The following HTR7 variants were observed in gnomAD, a reference collection of about 807,000 sequenced individuals.
HTR7 encodes 5-HT-7.
A neutral mutation model predicts 34.0 loss-of-function variants in HTR7; 16 were observed. That is an observed-to-expected ratio of 0.47 (90% CI 0.32 to 0.71). The LOEUF (loss-of-function observed/expected upper bound fraction) is 0.71, where lower values mean the gene tolerates loss of function less well. HTR7 is among the 30% of genes least tolerant of loss of function. The pLI is 0.04. For missense variants in HTR7, 504 were observed against 625.5 expected, an observed-to-expected ratio of 0.81 and a Z score of 2.07; for synonymous variants, 265 against 260.2, an observed-to-expected ratio of 1.02 and a Z score of -0.18.
intron 1 of HTR7, among the ~76,000 whole-genome samples, chr10:90,842,121 AGGCAGACTTTTG>A (rs1846338309): frequency 6.6e-6 from 1 of 152,244 alleles, no homozygotes; most frequent in Non-Finnish European, 1.5e-5. Flanking sequence ...TAGTATTAAG[AGGCAGACTTTTG>A]GGAGGTGATT....
At chr10:90,788,076 A>G (rs1845407738) in intron 1 of HTR7, among the ~76,000 whole-genome samples, 1 of 152,146 alleles carries the variant, frequency 6.6e-6, no homozygotes. Flanking sequence ...GAGCTGCAAC[A>G]GTGGGTGTTA....
intron 2 of HTR7, chr10:90,743,910 T>C: frequency 1.5e-6 from 1 of 680,024 alleles, no homozygotes; most frequent in Non-Finnish European, 2.8e-6. Context: ...CCAGGGAAAA[T>C]TTTCGAGTGC....
At chr10:90,771,742 C>T (rs1282072263) in intron 1 of HTR7, among the ~76,000 whole-genome samples, 1 of 152,160 alleles carries the variant, frequency 6.6e-6, no homozygotes, top group Non-Finnish European at 1.5e-5. Context: ...CACAATCTCC[C>T]TTGAAGGTGT....
intron 1 of HTR7, among the ~76,000 whole-genome samples, chr10:90,754,624 G>A (rs1844804838): frequency 6.6e-6 from 1 of 152,168 alleles, no homozygotes; most frequent in African/African-American, 2.4e-5. Context: ...CACAATAGGG[G>A]TGCCATTGAA....
rs772564057 is a variant in HTR7, at chr10:90,844,229, G to GC, written c.539+12903dup. On this transcript the variant is annotated intron_variant, in intron 1 of 3. Coordinates refer to ENST00000336152, the MANE Select transcript of HTR7 (RefSeq NM_019859.4). ...AATAAATAGTTTGAACTGGAGAACA[G>GC]CATGACCCAGTAGTGCCCAAACCTA... 3.9e-5 allele frequency among the ~76,000 whole-genome samples: 6 copies of GC among 152,310 alleles called. No homozygotes were observed. The East Asian group carries it at 1.2e-3, about 29-fold the overall frequency.
chr10:90,787,181 G>A (rs1049307220), intron 1 of HTR7, among the ~76,000 whole-genome samples: 1 of 152,084 alleles, frequency 6.6e-6, no homozygotes, highest in Non-Finnish European at 1.5e-5. Context: ...ACACACTGGG[G>A]ATACATCAGT....
At chr10:90,821,621 T>C (rs894120392) in intron 1 of HTR7, among the ~76,000 whole-genome samples, 6 of 152,194 alleles carry the variant, frequency 3.9e-5, no homozygotes, top group Non-Finnish European at 8.8e-5. Context: ...GCCAGTGGAC[T>C]TCGGGGACAC....
At chr10:90,746,284 T>G (rs190941393) in intron 2 of HTR7, among the ~76,000 whole-genome samples, 481 of 152,332 alleles carry the variant, frequency 3.2e-3, no homozygotes, top group Non-Finnish European at 4.7e-3. Context: ...GAAAACCTTT[T>G]TGTGCTACAT....
chr10:90,785,872 C>T (rs961157007), intron 1 of HTR7, among the ~76,000 whole-genome samples: 4 of 152,186 alleles, frequency 2.6e-5, no homozygotes, highest in Admixed American at 6.5e-5. Context: ...GTGGCCTTGA[C>T]GCCCCTTCTT....
At chr10:90,856,060 T>C (rs1846575246) in intron 1 of HTR7, among the ~76,000 whole-genome samples, 1 of 152,104 alleles carries the variant, frequency 6.6e-6, no homozygotes, top group Non-Finnish European at 1.5e-5. Flanking sequence ...GGCACTGTCA[T>C]TTTAAGTGTG....
chr10:90,852,478 T>G (rs1227377534), intron 1 of HTR7, among the ~76,000 whole-genome samples: 2 of 152,198 alleles, frequency 1.3e-5, no homozygotes, highest in Admixed American at 6.5e-5. Context: ...CCAAAGTACC[T>G]TATTACCTAG....
intron 1 of HTR7, among the ~76,000 whole-genome samples, chr10:90,759,874 A>G (rs1263546215): frequency 1.3e-5 from 2 of 152,212 alleles, no homozygotes; most frequent in African/African-American, 4.8e-5. Context: ...CAAAGTAGAG[A>G]TCAACTGATA....
At chr10:90,827,726 T>A in intron 1 of HTR7, among the ~76,000 whole-genome samples, 1 of 152,092 alleles carries the variant, frequency 6.6e-6, no homozygotes, top group East Asian at 1.9e-4. Context: ...TACCCAGATA[T>A]ATAAAGAAAA....
intron 1 of HTR7, among the ~76,000 whole-genome samples, chr10:90,847,577 C>A (rs1225817895): frequency 6.6e-6 from 1 of 152,146 alleles, no homozygotes; most frequent in Non-Finnish European, 1.5e-5. Context: ...CTGATTGAAG[C>A]AGAATTAAAG....
At chr10:90,830,524 C>T (rs1309710135) in intron 1 of HTR7, among the ~76,000 whole-genome samples, 2 of 152,124 alleles carry the variant, frequency 1.3e-5, no homozygotes, top group African/African-American at 4.8e-5. Flanking sequence ...CAGTGGCTCA[C>T]GCCTGTAATT....
intron 1 of HTR7, among the ~76,000 whole-genome samples, chr10:90,851,848 C>G (rs1846505769): frequency 6.6e-6 from 1 of 152,138 alleles, no homozygotes; most frequent in Non-Finnish European, 1.5e-5. Flanking sequence ...CTCACAAGAT[C>G]TGATGGTTTT....
intron 1 of HTR7, among the ~76,000 whole-genome samples, chr10:90,828,409 A>G (rs1348807386): frequency 6.6e-6 from 1 of 152,196 alleles, no homozygotes; most frequent in Non-Finnish European, 1.5e-5. Context: ...AAAGACCAAC[A>G]AAATGAAATC....
At chr10:90,760,305 G>C (rs1844914824) in intron 1 of HTR7, among the ~76,000 whole-genome samples, 1 of 152,160 alleles carries the variant, frequency 6.6e-6, no homozygotes, top group Non-Finnish European at 1.5e-5. Context: ...GATCTCATAG[G>C]AGTAAAAAGG....
rs188819159 is a variant in HTR7, at chr10:90,826,587, A to C, written c.539+30546T>G. On this transcript the variant is annotated intron_variant, in intron 1 of 3. Coordinates refer to ENST00000336152, the MANE Select transcript of HTR7 (RefSeq NM_019859.4). ...TAAATAGAAACAACAAAAAGTTTAA[A>C]AGCAAGAGGATGAAGGTGAAGTGTA... Among the ~76,000 whole-genome samples, 9 of 152,370 alleles carry C rather than the reference A, an allele frequency of 5.9e-5. No individual in the cohort carries two copies. The East Asian group carries it at 1.7e-3, about 29-fold the overall frequency.
Sources: allele counts gnomAD v4.1 joint callset (sites outside exome capture counted in the v4.1 genomes callset), GRCh38; gene constraint gnomAD v4.1.1; transcripts MANE v1.5; gene names NCBI Gene and HGNC (gene_info 2026-07-23, HGNC 2026-07-21).